Variants in ANO1 observed in about 807,000 individuals in gnomAD.
ANO1 encodes the protein anoctamin 1.
Under a neutral mutation model 124.0 loss-of-function variants are expected in ANO1, and 59 were observed. That is an observed-to-expected ratio of 0.48 (90% CI 0.39 to 0.59). The LOEUF is 0.59. Among genes scored for constraint, ANO1 ranks in the 20% least tolerant of loss-of-function variants. ANO1 has a pLI of 0.00. For missense variants in ANO1, 1,059 were observed against 1,328.0 expected, an observed-to-expected ratio of 0.80 and a Z score of 3.15; for synonymous variants, 529 against 532.0, an observed-to-expected ratio of 0.99 and a Z score of 0.08.
intron 1 of ANO1, 35 bp downstream of exon 1, chr11:70,078,749 CCGCGCACCTGCGCCTTGGCGA>C: frequency 2.9e-6 from 4 of 1,381,648 alleles, no homozygotes; most frequent in Non-Finnish European, 3.8e-6. Context: ...GGCGGGAGGG[CCGCGCACCTGCGCCTTGGCGA>C]GGGCGGGAAC....
At chr11:70,162,750 C>T (rs1478343477) in intron 18 of ANO1, among the ~76,000 whole-genome samples, 1 of 152,220 alleles carries the variant, frequency 6.6e-6, no homozygotes, top group Non-Finnish European at 1.5e-5. Flanking sequence ...GGGTCCAGTG[C>T]CCCCTGAGCG....
upstream of ANO1, among the ~76,000 whole-genome samples, chr11:69,982,889 G>A (rs186025392): frequency 5.2e-4 from 79 of 152,334 alleles, no homozygotes; most frequent in African/African-American, 1.9e-3. Flanking sequence ...TGCGAAATCA[G>A]CATTTAAATG....
intron 7 of ANO1, among the ~76,000 whole-genome samples, chr11:70,112,874 T>A (rs1040887804): frequency 6.6e-6 from 1 of 152,130 alleles, no homozygotes; most frequent in Non-Finnish European, 1.5e-5. Flanking sequence ...CCTCTCTTCT[T>A]GAGGAAGAAA....
At chr11:70,143,070 C>A (rs2047217747) in intron 11 of ANO1, among the ~76,000 whole-genome samples, 1 of 152,188 alleles carries the variant, frequency 6.6e-6, no homozygotes, top group Non-Finnish European at 1.5e-5. Flanking sequence ...CATGCACAGT[C>A]CAAGCAGGAT....
chr11:70,072,318 A>T (rs1857891095), intron 1 of ANO1: 2 of 152,342 alleles, frequency 1.3e-5, no homozygotes, highest in Non-Finnish European at 2.9e-5. Context: ...GCTCGGCTGC[A>T]GTACAGAGAC....
intron 1 of ANO1, among the ~76,000 whole-genome samples, chr11:70,021,826 C>T (rs939478551): frequency 6.6e-6 from 1 of 152,170 alleles, no homozygotes; most frequent in Non-Finnish European, 1.5e-5. Context: ...CCTTCACATC[C>T]CACTGCCTGT....
chr11:70,145,943 CAAAAA>C (rs10589426), intron 11 of ANO1, among the ~76,000 whole-genome samples: 3,278 of 108,640 alleles, frequency 0.03, 34 homozygotes, highest in Middle Eastern at 0.053. Flanking sequence ...TCTCAAAAAA[CAAAAA>C]AAAAAAAAAA....
intron 8 of ANO1, among the ~76,000 whole-genome samples, chr11:70,117,190 C>G (rs755556965): frequency 6.6e-6 from 1 of 150,412 alleles, no homozygotes; most frequent in Non-Finnish European, 1.5e-5. Context: ...CCTGACTCAG[C>G]CTCCAGAGTA....
At chr11:70,052,949 A>G (rs968890824) in intron 1 of ANO1, among the ~76,000 whole-genome samples, 2 of 151,984 alleles carry the variant, frequency 1.3e-5, no homozygotes, top group African/African-American at 4.8e-5. Flanking sequence ...TCTCTTAGTA[A>G]TGTTTGGTGA....
chr11:70,159,148 C>G (rs2047944389), intron 16 of ANO1, among the ~76,000 whole-genome samples: 5 of 152,186 alleles, frequency 3.3e-5, no homozygotes, highest in Admixed American at 2.6e-4. Context: ...TTCTGCTAGC[C>G]TGTCCTAGGA....
the ANO1 span, among the ~76,000 whole-genome samples, chr11:69,967,106 C>G: frequency 2.0e-5 from 3 of 152,220 alleles, no homozygotes; most frequent in Non-Finnish European, 4.4e-5. Context: ...CCCAATGTCC[C>G]CTGAGGGCAC....
chr11:70,022,596 A>C (rs1856828019), intron 1 of ANO1, among the ~76,000 whole-genome samples: 1 of 137,452 alleles, frequency 7.3e-6, no homozygotes, highest in African/African-American at 2.6e-5. Context: ...ACAGAGTGAG[A>C]CTCCATCTCA....
At chr11:70,134,742 T>C (rs1302760098) in intron 11 of ANO1, among the ~76,000 whole-genome samples, 1 of 152,148 alleles carries the variant, frequency 6.6e-6, no homozygotes, top group Non-Finnish European at 1.5e-5. Flanking sequence ...CTGAGCACAA[T>C]GTGTATCCCA....
chr11:70,087,920 C>A lies in ANO1; in HGVS notation c.277C>A (p.Arg93Ser). The change falls in exon 2 of 26, where the codon CGC becomes AGC. Residue 93 changes from arginine (R) to serine (S), a missense_variant. By Grantham distance (110) the Arg-to-Ser change is moderately radical (BLOSUM62 -1). Coordinates refer to ENST00000355303, the MANE Select transcript of ANO1 (RefSeq NM_018043.7). The stretch of plus-strand genomic sequence containing the variant: ...GCACAGCGACACCCCCTCTGGGGCT[C>A]GCAGCGTCAAGCAGGACCACCCCCT... ...VQHSDTPSGA[R>S]SVKQDHPLPG... is the part of the protein sequence containing the mutation. 6.2e-7 allele frequency: 1 copy of A among 1,608,858 alleles called. No homozygotes were observed.
At position 70,044,164 on chromosome 11, in the gene ANO1, G is replaced by T. The variant is rs193014369; in HGVS notation, c.59-34378G>T. On this transcript the variant is annotated intron_variant, in intron 1 of 27. Transcript: ENST00000531349. ...ACAACTATGTTGTAAACTCAAAAGC[G>T]ACCACTAAATAAAAGTAAAATAAAG... Among the ~76,000 whole-genome samples the T allele has an allele frequency of 4.7e-3, 717 of 151,722 alleles. 3 individuals carry two copies. The highest frequency in any genetic ancestry group is 0.016 in the African/African-American group (677 of 41,438).
intron 1 of ANO1, among the ~76,000 whole-genome samples, chr11:70,032,541 G>GT (rs1424493659): frequency 2.0e-5 from 3 of 151,502 alleles, no homozygotes; most frequent in Non-Finnish European, 4.4e-5. Flanking sequence ...GGAGAGGGGG[G>GT]GGGTCTCTGA....
At chr11:70,140,978 G>T (rs2047134243) in intron 11 of ANO1, among the ~76,000 whole-genome samples, 1 of 152,132 alleles carries the variant, frequency 6.6e-6, no homozygotes, top group African/African-American at 2.4e-5. Context: ...TGGTTGGAAT[G>T]CCTCTGATAG....
intron 23 of ANO1, among the ~76,000 whole-genome samples, chr11:70,181,257 G>A (rs148449407): frequency 8.7e-4 from 133 of 152,286 alleles, no homozygotes; most frequent in African/African-American, 3.1e-3. Flanking sequence ...GCTGACGGTC[G>A]ACGCCCCTGC....
intron 10 of ANO1, among the ~76,000 whole-genome samples, chr11:70,127,111 A>G (rs1264527657): frequency 7.0e-6 from 1 of 143,778 alleles, no homozygotes; most frequent in Non-Finnish European, 1.5e-5. Flanking sequence ...GCCTCGGTGC[A>G]GTCTGGTGCT....
Sources: allele counts gnomAD v4.1 joint callset (sites outside exome capture counted in the v4.1 genomes callset), GRCh38; gene constraint gnomAD v4.1.1; transcripts MANE v1.5; gene names NCBI Gene and HGNC (gene_info 2026-07-23, HGNC 2026-07-21).